Variants in SHISA9 observed in about 807,000 individuals in gnomAD.
SHISA9 encodes the protein protein shisa-9.
Under a neutral mutation model 38.0 loss-of-function variants are expected in SHISA9, and 13 were observed. The observed-to-expected ratio is 0.34, with a 90% CI of 0.22 to 0.54. The LOEUF is 0.54. Among genes scored for constraint, SHISA9 ranks in the 20% least tolerant of loss-of-function variants. The pLI, the probability that SHISA9 is intolerant of heterozygous loss-of-function variation, is 0.91. For synonymous variants in SHISA9, 275 were observed against 242.0 expected (o/e 1.14, Z -1.27); for missense variants, 538 against 575.8 (o/e 0.93, Z 0.67).
chr16:13,248,741 A>G, the SHISA9 span, among the ~76,000 whole-genome samples: 1 of 152,120 alleles, frequency 6.6e-6, no homozygotes, highest in Non-Finnish European at 1.5e-5. Context: ...TGGTTTTTCC[A>G]TTTTGTTTTT....
the SHISA9 span, among the ~76,000 whole-genome samples, chr16:13,397,781 C>T: frequency 2.0e-5 from 3 of 151,958 alleles, no homozygotes; most frequent in Admixed American, 2.0e-4. Flanking sequence ...TTGTGTTAAC[C>T]AGCTCAATTA....
At chr16:13,074,010 C>G (rs960489459) in intron 2 of SHISA9, among the ~76,000 whole-genome samples, 7 of 143,146 alleles carry the variant, frequency 4.9e-5, no homozygotes, top group African/African-American at 1.0e-4. Flanking sequence ...TGTTCTGTTG[C>G]CCAGGCTGGA....
the SHISA9 span, among the ~76,000 whole-genome samples, chr16:13,512,615 A>T: frequency 2.6e-5 from 4 of 152,176 alleles, no homozygotes; most frequent in Non-Finnish European, 5.9e-5. Context: ...ACTATACTAC[A>T]AGGCAACAGT....
chr16:13,474,730 C>G, the SHISA9 span, among the ~76,000 whole-genome samples: 1 of 152,214 alleles, frequency 6.6e-6, no homozygotes, highest in East Asian at 1.9e-4. Context: ...GGGAAGGCCT[C>G]TCTGAGGAGG....
At chr16:13,058,883 A>AG (rs1250090830) in intron 2 of SHISA9, among the ~76,000 whole-genome samples, 2 of 152,076 alleles carry the variant, frequency 1.3e-5, no homozygotes, top group East Asian at 3.9e-4. Flanking sequence ...TAGCTCAGCA[A>AG]GGGGAAGTAC....
chr16:13,254,182 G>A, the SHISA9 span, among the ~76,000 whole-genome samples: 1 of 152,086 alleles, frequency 6.6e-6, no homozygotes. Flanking sequence ...GCATACATTA[G>A]CAGTTGTCTT....
At chr16:13,268,322 C>T in the SHISA9 span, among the ~76,000 whole-genome samples, 1 of 152,114 alleles carries the variant, frequency 6.6e-6, no homozygotes, top group Non-Finnish European at 1.5e-5. Context: ...CCAGCCTGAC[C>T]AACATGGTGA....
At chr16:13,176,148 G>A (rs934567259) in intron 2 of SHISA9, among the ~76,000 whole-genome samples, 1 of 151,716 alleles carries the variant, frequency 6.6e-6, no homozygotes, top group Non-Finnish European at 1.5e-5. Flanking sequence ...TCTATTAGTT[G>A]ATTACAATTT....
At chr16:13,346,047 G>C in the SHISA9 span, among the ~76,000 whole-genome samples, 4 of 152,146 alleles carry the variant, frequency 2.6e-5, no homozygotes, top group African/African-American at 9.7e-5. Flanking sequence ...TGGGCTTTTA[G>C]TGTAACCATC....
At chr16:13,184,982 A>G (rs2050808204) in intron 2 of SHISA9, among the ~76,000 whole-genome samples, 1 of 152,210 alleles carries the variant, frequency 6.6e-6, no homozygotes, top group Non-Finnish European at 1.5e-5. Flanking sequence ...TATTGTAAGT[A>G]TATGTCTAAA....
intron 2 of SHISA9, among the ~76,000 whole-genome samples, chr16:13,086,353 CAAA>C (rs767516512): frequency 5.9e-5 from 3 of 50,966 alleles, no homozygotes; most frequent in African/African-American, 1.5e-4. Context: ...GATTCCATCT[CAAA>C]AAAAAAAAAA....
At chr16:13,397,712 G>C in the SHISA9 span, among the ~76,000 whole-genome samples, 2 of 152,122 alleles carry the variant, frequency 1.3e-5, no homozygotes, top group African/African-American at 4.8e-5. Context: ...GGGATTACAG[G>C]CATGAGCCAC....
At chr16:13,030,578 A>G (rs942906201) in intron 2 of SHISA9, among the ~76,000 whole-genome samples, 1 of 152,160 alleles carries the variant, frequency 6.6e-6, no homozygotes, top group Non-Finnish European at 1.5e-5. Context: ...CCTGCTTCTT[A>G]GGGAACTCAA....
chr16:13,080,314 A>C (rs2073633537), intron 2 of SHISA9, among the ~76,000 whole-genome samples: 1 of 152,218 alleles, frequency 6.6e-6, no homozygotes, highest in African/African-American at 2.4e-5. Context: ...TGGAGCTTGC[A>C]GTGAGCCTAG....
the SHISA9 span, among the ~76,000 whole-genome samples, chr16:13,274,922 G>T: frequency 2.2e-4 from 33 of 152,160 alleles, no homozygotes; most frequent in Admixed American, 2.2e-3. Context: ...TCCATTGGAA[G>T]TGTGGCCCAG....
At chr16:13,035,019 G>T (rs2141881229) in intron 2 of SHISA9, among the ~76,000 whole-genome samples, 1 of 152,306 alleles carries the variant, frequency 6.6e-6, no homozygotes, top group East Asian at 1.9e-4. Context: ...AAAAGCTATT[G>T]TGTTTTGGAG....
the SHISA9 span, among the ~76,000 whole-genome samples, chr16:13,259,941 C>T: frequency 6.8e-6 from 1 of 146,726 alleles, no homozygotes. Flanking sequence ...CTCCATGCTA[C>T]TTATGCAAAT....
the SHISA9 span, among the ~76,000 whole-genome samples, chr16:13,427,699 T>A: frequency 6.6e-6 from 1 of 151,474 alleles, no homozygotes; most frequent in Non-Finnish European, 1.5e-5. Context: ...GAGAAAGAGA[T>A]GAGTAGAGAC....
chr16:13,301,016 T>C, the SHISA9 span, among the ~76,000 whole-genome samples: 615 of 152,222 alleles, frequency 4.0e-3, 4 homozygotes, highest in Non-Finnish European at 4.8e-3. Context: ...TCCTTCTCTT[T>C]TCTATTCTTT....
Sources: allele counts gnomAD v4.1 joint callset (sites outside exome capture counted in the v4.1 genomes callset), GRCh38; gene constraint gnomAD v4.1.1; transcripts MANE v1.5; gene names NCBI Gene and HGNC (gene_info 2026-07-23, HGNC 2026-07-21).